ABHD3: variants seen among roughly 807,000 people sequenced by gnomAD.
The protein encoded by ABHD3 is abhydrolase domain containing 3, phospholipase.
Under a neutral mutation model 48.8 loss-of-function variants are expected in ABHD3, and 46 were observed. The observed-to-expected ratio is 0.94, with a 90% CI of 0.74 to 1.20. The LOEUF (loss-of-function observed/expected upper bound fraction) is 1.20, where lower values mean the gene tolerates loss of function less well. Among genes scored for constraint, ABHD3 ranks in the 50% most tolerant of loss-of-function variants. The pLI is 0.00. For missense variants in ABHD3, 490 were observed against 497.8 expected (o/e 0.98, Z 0.15); for synonymous variants, 192 against 183.7 (o/e 1.04, Z -0.36).
intron 4 of ABHD3, among the ~76,000 whole-genome samples, chr18:21,674,171 T>G (rs900304178): frequency 1.3e-5 from 2 of 152,122 alleles, no homozygotes; most frequent in African/African-American, 4.8e-5. Context: ...TTAAGCATGA[T>G]ACCTAGCTAT....
At chr18:21,666,406 C>G (rs1245270281) in intron 4 of ABHD3, among the ~76,000 whole-genome samples, 2 of 152,168 alleles carry the variant, frequency 1.3e-5, no homozygotes, top group Non-Finnish European at 2.9e-5. Context: ...GTTGGCCAGG[C>G]TGGTCTCTAA....
intron 5 of ABHD3, 45 bp downstream of exon 5, chr18:21,664,073 A>G: frequency 6.4e-7 from 1 of 1,572,702 alleles, no homozygotes. Flanking sequence ...CAGCCAATAA[A>G]ATAGCTTCCC....
chr18:21,694,910 G>A (rs2040334097), intron 3 of ABHD3, among the ~76,000 whole-genome samples: 1 of 152,020 alleles, frequency 6.6e-6, no homozygotes, highest in Non-Finnish European at 1.5e-5. Context: ...TCCCAGTACT[G>A]CCAACTCTTG....
intron 4 of ABHD3, among the ~76,000 whole-genome samples, chr18:21,666,392 C>T (rs748903975): frequency 4.6e-5 from 7 of 152,196 alleles, no homozygotes; most frequent in Non-Finnish European, 4.4e-5. Context: ...TGGGGTTTCA[C>T]CATGTTGGCC....
intron 4 of ABHD3, chr18:21,682,517 C>T (rs2040026893): frequency 6.6e-6 from 1 of 152,204 alleles, no homozygotes; most frequent in Admixed American, 6.5e-5. Flanking sequence ...TTTTAATGGA[C>T]TTGACTGTCT....
At position 21,659,279 on chromosome 18, in the gene ABHD3, A is replaced by C. The variant is rs2039429053; in HGVS notation, c.733T>G (p.Phe245Val). ...SKTPLMAAAT[F>V]SVGWNTFACS... ...GCGAAGGTGTTCCAACCAACGGAAAAAGTTGCAGCTGCCATCAAAGGCGTT... is the reference window on the plus strand; with the variant it reads ...GCGAAGGTGTTCCAACCAACGGAAACAGTTGCAGCTGCCATCAAAGGCGTT... Residue 245 changes from phenylalanine to valine, a missense_variant, in exon 6 of 9, where the codon TTT becomes GTT. Transcript: ENST00000289119. 1 of 1,613,828 alleles carries C rather than the reference A, an allele frequency of 6.2e-7. No individual in the cohort carries two copies. The highest frequency in any genetic ancestry group is 1.1e-5 in the South Asian group (1 of 91,004).
chr18:21,673,120 G>A (rs1051388066), intron 4 of ABHD3, among the ~76,000 whole-genome samples: 10 of 152,254 alleles, frequency 6.6e-5, no homozygotes, highest in African/African-American at 2.2e-4. Flanking sequence ...GGCAAATCTC[G>A]TGACTCACCT....
At chr18:21,690,282 T>C (rs2040217732) in intron 3 of ABHD3, among the ~76,000 whole-genome samples, 1 of 151,950 alleles carries the variant, frequency 6.6e-6, no homozygotes, top group Non-Finnish European at 1.5e-5. Context: ...CCTCAGTGAT[T>C]TGTGAAACAA....
intron 3 of ABHD3, among the ~76,000 whole-genome samples, chr18:21,685,861 C>A (rs970398228): frequency 2.0e-5 from 3 of 152,230 alleles, no homozygotes; most frequent in Non-Finnish European, 4.4e-5. Context: ...CCACGCCCGG[C>A]TAATTTTTGT....
intron 3 of ABHD3, among the ~76,000 whole-genome samples, chr18:21,697,257 TAG>T (rs1275989017): frequency 1.3e-5 from 2 of 151,778 alleles, no homozygotes; most frequent in African/African-American, 4.8e-5. Flanking sequence ...TGTATTTTAG[TAG>T]AGAGGGGGTG....
intron 4 of ABHD3, among the ~76,000 whole-genome samples, chr18:21,672,727 G>A (rs1201152932): frequency 6.6e-6 from 1 of 152,140 alleles, no homozygotes; most frequent in African/African-American, 2.4e-5. Context: ...TTGTCCCTAG[G>A]AAAATTGATT....
intron 3 of ABHD3, among the ~76,000 whole-genome samples, chr18:21,687,319 C>T (rs1404839595): frequency 6.6e-6 from 1 of 150,654 alleles, no homozygotes; most frequent in East Asian, 2.0e-4. Flanking sequence ...AGCCATTCTC[C>T]TGCCTCAGCC....
At chr18:21,657,659 CT>C in intron 6 of ABHD3, among the ~76,000 whole-genome samples, 1 of 151,994 alleles carries the variant, frequency 6.6e-6, no homozygotes, top group East Asian at 1.9e-4. Context: ...CTGGTAAAAT[CT>C]AATCCAGTGT....
rs757203734 is a variant in ABHD3 at position 21,703,659 on chromosome 18, A to G, written c.251T>C (p.Val84Ala). ...CTGTCCTCGACCCTCCCAGCACCAG[A>G]CCGTCGGGTAGTACGTTTCTGTAAC... ...PVVTETYYPT[V>A]WCWEGRGQTL... The change falls in exon 2 of 9, where the codon GTC (valine) becomes GCC (alanine). Residue 84 changes from valine to alanine, a missense_variant. Transcript: ENST00000289119. 1.9e-6 allele frequency: 3 copies of G among 1,614,106 alleles called. No individual in the cohort carries two copies. Among genetic ancestry groups the G allele is most frequent in the East Asian group, 2.2e-5 (1 of 44,882 alleles).
chr18:21,652,689 C>G (rs1342943790), intron 8 of ABHD3, among the ~76,000 whole-genome samples: 2 of 147,656 alleles, frequency 1.4e-5, no homozygotes, highest in Non-Finnish European at 1.5e-5. Flanking sequence ...GCAGGAGAAT[C>G]GCTTGAACCC....
chr18:21,660,958 G>C (rs933578423), intron 5 of ABHD3, among the ~76,000 whole-genome samples: 8 of 151,954 alleles, frequency 5.3e-5, no homozygotes, highest in African/African-American at 1.9e-4. Context: ...GGAAGATTCA[G>C]AAGTAGATAT....
In ABHD3 at chr18:21,703,599, G is replaced by A. The variant is rs774735743; in HGVS notation, c.311C>T (p.Pro104Leu). The change falls in exon 2 of 9, where the codon CCG becomes CTG. Residue 104 changes from proline (P) to leucine (L), a missense_variant. By Grantham distance (98) the Pro-to-Leu change is moderately conservative. Coordinates refer to ENST00000289119, the MANE Select transcript of ABHD3 (RefSeq NM_138340.5). Reference sequence around the variant, plus strand: ...ATTCACTTACTTCCTGTACTGCACCGGGGGCTTCGAAGTGATGAAAGGTCT... The same window carrying A: ...ATTCACTTACTTCCTGTACTGCACCAGGGGCTTCGAAGTGATGAAAGGTCT... Reference protein sequence around the residue: ...LLRPFITSKPPVQYRNELIKT... With the variant: ...LLRPFITSKPLVQYRNELIKT... 2 of 1,612,316 alleles carry A rather than the reference G, an allele frequency of 1.2e-6. No individual in the cohort carries two copies. Among genetic ancestry groups the A allele is most frequent in the East Asian group, 2.2e-5 (1 of 44,816 alleles).
In ABHD3 at chr18:21,661,460, CT is replaced by C. The variant is rs1248705280; in HGVS notation, c.669-2118del. ...AGCCAGGCCAACATAGCAAAACCCC[CT>C]CTCTACTAAAAATACAAATATTAGC... On this transcript the variant is annotated intron_variant, in intron 5 of 8. Transcript: ENST00000289119. 8.6e-5 allele frequency among the ~76,000 whole-genome samples: 13 copies of C among 151,850 alleles called. No homozygotes were observed. The South Asian group carries it at 1.2e-3, about 15-fold the overall frequency.
intron 3 of ABHD3, among the ~76,000 whole-genome samples, chr18:21,684,311 CTTTTTTT>C (rs564516602): frequency 1.9e-4 from 16 of 82,814 alleles, no homozygotes; most frequent in East Asian, 1.1e-3. Context: ...AATGTTTTTG[CTTTTTTT>C]TTTTTTTTTT....
Sources: allele counts gnomAD v4.1 joint callset (sites outside exome capture counted in the v4.1 genomes callset), GRCh38; gene constraint gnomAD v4.1.1; transcripts MANE v1.5; gene names NCBI Gene and HGNC (gene_info 2026-07-23, HGNC 2026-07-21).